Variants in ATP2B2 observed in about 807,000 individuals in gnomAD.
The protein encoded by ATP2B2 is plasma membrane calcium-transporting ATPase 2.
A neutral mutation model predicts 120.0 loss-of-function variants in ATP2B2; 15 were observed. That is an observed-to-expected ratio of 0.12 (90% CI 0.08 to 0.19). The LOEUF is 0.19. Among genes scored for constraint, ATP2B2 ranks in the 10% least tolerant of loss-of-function variants. The probability of loss-of-function intolerance (pLI) is 1.00; values close to 1 mark genes in which losing one functional copy is unlikely to be tolerated. For synonymous variants in ATP2B2, 694 were observed against 700.3 expected (o/e 0.99, Z 0.14); for missense variants, 1,045 against 1,719.8 (o/e 0.61, Z 6.94).
At chr3:10,601,189 A>G (rs1205355883) in intron 2 of ATP2B2, among the ~76,000 whole-genome samples, 1 of 152,144 alleles carries the variant, frequency 6.6e-6, no homozygotes, top group Non-Finnish European at 1.5e-5. Context: ...GCCACTCTCT[A>G]GGCAAAAAAG....
At chr3:10,471,363 CCTGT>C (rs2064986246) in intron 1 of ATP2B2, among the ~76,000 whole-genome samples, 1 of 81,664 alleles carries the variant, frequency 1.2e-5, no homozygotes, top group African/African-American at 3.5e-5. Context: ...GTTCAGGAAA[CCTGT>C]GTGTGTGTGT....
At chr3:10,495,546 G>T (rs2066112083) in intron 1 of ATP2B2, among the ~76,000 whole-genome samples, 1 of 152,170 alleles carries the variant, frequency 6.6e-6, no homozygotes, top group African/African-American at 2.4e-5. Context: ...CAGGTTACCC[G>T]GGGGCTGTAG....
intron 2 of ATP2B2, among the ~76,000 whole-genome samples, chr3:10,559,396 C>T (rs190635978): frequency 2.6e-5 from 4 of 152,180 alleles, no homozygotes; most frequent in African/African-American, 7.2e-5. Context: ...TTTGAATGTT[C>T]CCAACACAGA....
At chr3:10,579,676 A>T (rs2068338724) in intron 2 of ATP2B2, among the ~76,000 whole-genome samples, 1 of 152,138 alleles carries the variant, frequency 6.6e-6, no homozygotes, top group Non-Finnish European at 1.5e-5. Context: ...CAGGCATGGT[A>T]GTGAATGCCT....
intron 2 of ATP2B2, among the ~76,000 whole-genome samples, chr3:10,422,952 C>T (rs1304994263): frequency 6.6e-6 from 1 of 152,154 alleles, no homozygotes; most frequent in African/African-American, 2.4e-5. Flanking sequence ...TCCAGACTTC[C>T]CACATGGGCA....
chr3:10,417,556 A>C (rs918054639), intron 2 of ATP2B2, among the ~76,000 whole-genome samples: 4 of 152,006 alleles, frequency 2.6e-5, no homozygotes, highest in African/African-American at 9.7e-5. Flanking sequence ...GAGTTCCCCC[A>C]CCCTTCTCAG....
chr3:10,472,697 C>G (rs1271140452), intron 1 of ATP2B2, among the ~76,000 whole-genome samples: 1 of 152,186 alleles, frequency 6.6e-6, no homozygotes, highest in Non-Finnish European at 1.5e-5. Context: ...ACCTTCTGTA[C>G]AGTGGATCCT....
intron 2 of ATP2B2, among the ~76,000 whole-genome samples, chr3:10,536,368 A>AT (rs1476059677): frequency 2.8e-5 from 4 of 141,058 alleles, no homozygotes; most frequent in Non-Finnish European, 6.2e-5. Context: ...TTGTCACAGG[A>AT]TTTTTTTGCC....
At chr3:10,332,324 T>C (rs2060003445) in intron 22 of ATP2B2, 14 of 418,192 alleles carry the variant, frequency 3.3e-5, no homozygotes, top group Non-Finnish European at 5.7e-5. Flanking sequence ...TGGACCTGGC[T>C]TATGGGGCTG....
chr3:10,470,997 G>T (rs1431358861), intron 1 of ATP2B2, among the ~76,000 whole-genome samples: 2 of 152,230 alleles, frequency 1.3e-5, no homozygotes, highest in East Asian at 1.9e-4. Flanking sequence ...GAGAACGGGG[G>T]GCCTGGGGGG....
Position 10,346,891 on chromosome 3 carries a change from A to G in ATP2B2, c.2405-754T>C, listed in dbSNP as rs1048751350. Among the ~76,000 whole-genome samples the G allele has an allele frequency of 1.3e-5, 2 of 152,114 alleles. No homozygotes were observed. Among genetic ancestry groups the G allele is most frequent in the East Asian group, 1.9e-4 (1 of 5,178 alleles). On this transcript the variant is annotated intron_variant, in intron 16 of 22. Coordinates refer to ENST00000360273, the MANE Select transcript of ATP2B2 (RefSeq NM_001001331.4). The surrounding 1 kb of genome is among the most constrained non-coding windows in gnomAD (Gnocchi z 4.1). ...TTGAATGTATCACCAAGGCCTGCCA[A>G]TTCTGGCTCCAAAATCCCACTGAAA...
intron 2 of ATP2B2, among the ~76,000 whole-genome samples, chr3:10,585,592 C>A (rs1015224902): frequency 6.6e-6 from 1 of 151,512 alleles, no homozygotes; most frequent in Admixed American, 6.6e-5. Context: ...CTGTGCCTCA[C>A]CTTCCCTAGT....
chr3:10,703,296 G>C (rs2071847757), intron 1 of ATP2B2, among the ~76,000 whole-genome samples: 1 of 152,134 alleles, frequency 6.6e-6, no homozygotes, highest in Non-Finnish European at 1.5e-5. Context: ...CAGAAAGCTT[G>C]TCCTGGCTGT....
intron 1 of ATP2B2, among the ~76,000 whole-genome samples, chr3:10,490,623 T>C (rs1200024955): frequency 6.6e-6 from 1 of 152,094 alleles, no homozygotes; most frequent in Admixed American, 6.5e-5. Context: ...GGTCTCGAGC[T>C]CCTGGCCTCA....
At chr3:10,578,300 A>C (rs1575517585) in intron 2 of ATP2B2, among the ~76,000 whole-genome samples, 1 of 152,112 alleles carries the variant, frequency 6.6e-6, no homozygotes, top group Non-Finnish European at 1.5e-5. Context: ...TGGCCCAGCA[A>C]TCCCACTCCA....
In ATP2B2 at chr3:10,496,643, G is replaced by C. The variant is rs578008857; in HGVS notation, c.-320+8822C>G. Among the ~76,000 whole-genome samples the C allele has an allele frequency of 3.3e-5, 5 of 152,124 alleles. No homozygotes were observed. The East Asian group carries it at 9.7e-4, about 29-fold the overall frequency. On this transcript the variant is annotated intron_variant, in intron 1 of 22. Coordinates refer to ENST00000360273, the MANE Select transcript of ATP2B2 (RefSeq NM_001001331.4). ...GTCCAACCCAAGATCCACACACATT[G>C]CACTCCACACGCAGACACTAGCTCC... is the stretch of plus-strand genomic sequence containing the variant.
At chr3:10,672,483 T>C (rs1028968729) in intron 1 of ATP2B2, among the ~76,000 whole-genome samples, 1 of 152,228 alleles carries the variant, frequency 6.6e-6, no homozygotes, top group South Asian at 2.1e-4. Flanking sequence ...TCCTGCTCTT[T>C]CTAGGATCCC....
chr3:10,629,490 G>A (rs750409405), intron 1 of ATP2B2, among the ~76,000 whole-genome samples: 7 of 152,230 alleles, frequency 4.6e-5, no homozygotes, highest in Non-Finnish European at 1.0e-4. Context: ...AGGGCCTTCC[G>A]TGTGCCACAT....
At chr3:10,632,458 A>G (rs527971956) in intron 1 of ATP2B2, among the ~76,000 whole-genome samples, 1 of 152,302 alleles carries the variant, frequency 6.6e-6, no homozygotes, top group Non-Finnish European at 1.5e-5. Context: ...ATGTCCCTAC[A>G]CTGTATGTGT....
Sources: gnomAD v4.1 joint callset for allele counts (sites outside exome capture counted in the v4.1 genomes callset) on GRCh38, gnomAD v4.1.1 for gene constraint, Gnocchi (gnomAD v3.1) non-coding constraint, MANE v1.5 for transcripts, NCBI Gene and HGNC (gene_info 2026-07-23, HGNC 2026-07-21) for gene names.